Variants in ZFHX3 observed in about 807,000 individuals in gnomAD.
The protein encoded by ZFHX3 is zinc finger homeobox 3, also known as zinc finger homeobox protein 3.
Under a neutral mutation model 279.1 loss-of-function variants are expected in ZFHX3, and 42 were observed. The ratio of observed to expected loss-of-function variants is 0.15; its 90% CI spans 0.12 to 0.19. The LOEUF is 0.19. Among genes scored for constraint, ZFHX3 ranks in the 10% least tolerant of loss-of-function variants. The probability of loss-of-function intolerance (pLI) is 1.00; values close to 1 mark genes in which losing one functional copy is unlikely to be tolerated. For synonymous variants in ZFHX3, 2,293 were observed against 1,957.8 expected (o/e 1.17, Z -4.52); for missense variants, 4,981 against 4,754.0 (o/e 1.05, Z -1.40).
At chr16:72,813,785 T>G (rs765246015) in intron 5 of ZFHX3, among the ~76,000 whole-genome samples, 1 of 152,194 alleles carries the variant, frequency 6.6e-6, no homozygotes, top group Non-Finnish European at 1.5e-5. Context: ...GGCTGCCGAT[T>G]AACTAGGTGC....
chr16:72,958,616 C>T lies in ZFHX3; in HGVS notation c.1530G>A (p.Glu510=). The change falls in exon 2 of 10, where the codon GAG becomes GAA. Residue 510 remains glutamate, a synonymous_variant. Transcript: ENST00000268489. ...DEELEDRPHE[E]PGAAAGSSSK... ...TGCTACTACCTGCTGCGGCCCCAGG[C>T]TCCTCATGGGGCCTGTCCTCCAGTT... The T allele has an allele frequency of 6.2e-7, 1 of 1,614,070 alleles. No individual in the cohort carries two copies. The highest frequency in any genetic ancestry group is 8.5e-7 in the Non-Finnish European group (1 of 1,179,994).
chr16:72,916,045 A>G (rs1385315308), intron 3 of ZFHX3, among the ~76,000 whole-genome samples: 1 of 152,244 alleles, frequency 6.6e-6, no homozygotes, highest in Non-Finnish European at 1.5e-5. Flanking sequence ...GAAGCTGGAA[A>G]TGACGGACTG....
At chr16:72,838,669 T>G (rs1427290183) in intron 4 of ZFHX3, among the ~76,000 whole-genome samples, 2 of 152,026 alleles carry the variant, frequency 1.3e-5, no homozygotes, top group East Asian at 3.9e-4. Context: ...TTTGAACAAT[T>G]TGTCAAAACC....
At chr16:72,889,612 A>C (rs987427433) in intron 4 of ZFHX3, 119 bp downstream of exon 4, 2 of 924,544 alleles carry the variant, frequency 2.2e-6, no homozygotes, top group African/African-American at 1.7e-5. Flanking sequence ...GAAGTCAGTA[A>C]GGAACATGAG....
At chr16:73,340,653 G>T (rs958950426) in intron 3 of ZFHX3, among the ~76,000 whole-genome samples, 1 of 152,206 alleles carries the variant, frequency 6.6e-6, no homozygotes, top group Non-Finnish European at 1.5e-5. Context: ...TGGGATTATA[G>T]GCGTGAGCCA....
intron 5 of ZFHX3, among the ~76,000 whole-genome samples, chr16:72,829,125 C>A (rs2037002686): frequency 6.6e-6 from 1 of 152,046 alleles, no homozygotes; most frequent in Non-Finnish European, 1.5e-5. Context: ...CCACCTCAGC[C>A]CCCCGAGTAA....
chr16:72,908,663 C>T (rs953044576), intron 3 of ZFHX3, among the ~76,000 whole-genome samples: 4 of 152,214 alleles, frequency 2.6e-5, no homozygotes, highest in Admixed American at 2.6e-4. Context: ...CAACATGACT[C>T]ATGCGATGAC....
chr16:73,756,416 T>A (rs1189989099), intron 1 of ZFHX3, among the ~76,000 whole-genome samples: 1 of 152,122 alleles, frequency 6.6e-6, no homozygotes, highest in African/African-American at 2.4e-5. Flanking sequence ...TCGTGAAAGG[T>A]GGCTTTTGGT....
intron 4 of ZFHX3, among the ~76,000 whole-genome samples, chr16:72,882,537 G>A (rs2038506401): frequency 6.6e-6 from 1 of 152,146 alleles, no homozygotes; most frequent in Admixed American, 6.5e-5. Context: ...TGCAAGTCCT[G>A]GAACAGCCAG....
chr16:72,849,442 C>T (rs1010588175), intron 4 of ZFHX3, among the ~76,000 whole-genome samples: 3 of 152,158 alleles, frequency 2.0e-5, no homozygotes, highest in Non-Finnish European at 4.4e-5. Flanking sequence ...TTGGAATAAA[C>T]CTGCCTGAAG....
At chr16:73,472,490 T>C (rs2018687556) in intron 2 of ZFHX3, among the ~76,000 whole-genome samples, 1 of 152,166 alleles carries the variant, frequency 6.6e-6, no homozygotes. Context: ...AATTTTCTAC[T>C]TCACCAGTGG....
intron 3 of ZFHX3, among the ~76,000 whole-genome samples, chr16:73,372,692 T>C (rs1469988551): frequency 6.6e-6 from 1 of 152,220 alleles, no homozygotes; most frequent in African/African-American, 2.4e-5. Context: ...AGATGGCCCA[T>C]GATTTTGAGG....
At chr16:73,521,324 T>C (rs2019605423) in intron 2 of ZFHX3, among the ~76,000 whole-genome samples, 1 of 152,222 alleles carries the variant, frequency 6.6e-6, no homozygotes, top group African/African-American at 2.4e-5. Flanking sequence ...GAATGGAGTT[T>C]GGCACATAAT....
intron 2 of ZFHX3, among the ~76,000 whole-genome samples, chr16:73,612,743 C>T (rs2052259945): frequency 6.6e-6 from 1 of 151,976 alleles, no homozygotes; most frequent in South Asian, 2.1e-4. Context: ...TTTCAAACTA[C>T]AAGAAAACTC....
Position 72,783,195 on chromosome 16 carries a change from T to TTTTTC in ZFHX3, c.*3964_*3968dup, listed in dbSNP as rs1270896308. On this transcript the variant is annotated 3_prime_UTR_variant, in exon 10 of 10. Transcript: ENST00000268489. ...TATTTTTTTTGTTGTTTTTTGTTTT[T>TTTTTC]TTTTCTTTTTGTACATTGCAAAGGC... 32 of 152,664 alleles carry TTTTTC rather than the reference T, an allele frequency of 2.1e-4. No individual in the cohort carries two copies. Among genetic ancestry groups the TTTTTC allele is most frequent in the African/African-American group, 7.5e-4 (31 of 41,524 alleles). 9.5% of individuals were successfully genotyped at this position (152,664 alleles called of 1,614,324 possible).
chr16:73,545,166 T>G (rs1455747368), intron 2 of ZFHX3, among the ~76,000 whole-genome samples: 6 of 152,050 alleles, frequency 3.9e-5, no homozygotes, highest in Non-Finnish European at 5.9e-5. Context: ...CCACCTCTGC[T>G]AAAAATAAGC....
At position 72,789,785 on chromosome 16, in the gene ZFHX3, G is replaced by A. The variant is rs144034929; in HGVS notation, c.9428-937C>T. On this transcript the variant is annotated intron_variant, in intron 9 of 9. Transcript: ENST00000268489. The stretch of plus-strand genomic sequence containing the variant: ...CTAGGAATAGGAATCTGGAATCTGC[G>A]GGAGAAACGACCATCTTCTTTTCCT... 5.4e-4 allele frequency: 82 copies of A among 152,298 alleles called. 1 individual carries two copies. The highest frequency in any genetic ancestry group is 1.8e-3 in the African/African-American group (76 of 41,544). The allele number at this position is 152,298 out of a possible 1,614,324, so 9.4% of individuals were successfully genotyped here.
chr16:73,275,571 G>C (rs2014273994), intron 4 of ZFHX3, among the ~76,000 whole-genome samples: 1 of 152,136 alleles, frequency 6.6e-6, no homozygotes. Context: ...TTCGATTCCA[G>C]ACTGCCTCAA....
chr16:73,535,410 AC>A (rs2143736864), intron 2 of ZFHX3, among the ~76,000 whole-genome samples: 1 of 152,304 alleles, frequency 6.6e-6, no homozygotes, highest in Admixed American at 6.5e-5. Context: ...TCAGTGCACC[AC>A]TGGTGAGATC....
Sources: allele counts gnomAD v4.1 joint callset (sites outside exome capture counted in the v4.1 genomes callset), GRCh38; gene constraint gnomAD v4.1.1; transcripts MANE v1.5; gene names NCBI Gene and HGNC (gene_info 2026-07-23, HGNC 2026-07-21).